Variants in OSBPL8 observed in about 807,000 individuals in gnomAD.
OSBPL8 encodes oxysterol-binding protein-related protein 8.
A neutral mutation model predicts 125.5 loss-of-function variants in OSBPL8; 59 were observed. That is an observed-to-expected ratio of 0.47 (90% CI 0.38 to 0.58). The LOEUF is 0.58. Ranked by LOEUF, OSBPL8 falls within the 20% of genes least tolerant of loss-of-function variation. OSBPL8 has a pLI of 0.00. For synonymous variants in OSBPL8, 330 were observed against 338.9 expected (o/e 0.97, Z 0.29); for missense variants, 758 against 1,047.8 (o/e 0.72, Z 3.82).
chr12:76,423,251 T>C (rs1242025370), intron 4 of OSBPL8: 2 of 152,288 alleles, frequency 1.3e-5, no homozygotes, highest in African/African-American at 2.4e-5. Context: ...AAGCACAACG[T>C]TGATGGATTC....
In OSBPL8 at chr12:76,389,648, G is replaced by T; in HGVS notation, c.1349C>A (p.Ser450Tyr). The change falls in exon 12 of 24, where the codon TCT becomes TAT. Residue 450 changes from serine to tyrosine, a missense_variant. This residue lies in a region of OSBPL8 where 572 missense variants were observed against 762.0 expected (regional missense o/e 0.75). Transcript: ENST00000261183. Reference protein sequence around the residue: ...SDYYYHADFLSEAALEENPYF... With the variant: ...SDYYYHADFLYEAALEENPYF... ...TAAGAAATAAGAATCTACTTACTCAGATAGGAAATCTGCATGATAGTAGTA... is the reference window on the plus strand; with the variant it reads ...TAAGAAATAAGAATCTACTTACTCATATAGGAAATCTGCATGATAGTAGTA... 6.4e-7 allele frequency: 1 copy of T among 1,559,834 alleles called. No homozygotes were observed. The highest frequency in any genetic ancestry group is 8.7e-7 in the Non-Finnish European group (1 of 1,152,418).
chr12:76,522,288 T>C (rs1882137886), intron 1 of OSBPL8, among the ~76,000 whole-genome samples: 1 of 152,008 alleles, frequency 6.6e-6, no homozygotes, highest in Admixed American at 6.6e-5. Context: ...AGAAAAAAAG[T>C]TCTTCAATAA....
At chr12:76,527,669 GT>G (rs1950217200) in intron 1 of OSBPL8, among the ~76,000 whole-genome samples, 1 of 152,096 alleles carries the variant, frequency 6.6e-6, no homozygotes, top group Non-Finnish European at 1.5e-5. Flanking sequence ...ACCTTTTCTA[GT>G]TATCGAATTA....
At chr12:76,409,123 G>A (rs867778501) in intron 5 of OSBPL8, among the ~76,000 whole-genome samples, 6 of 152,090 alleles carry the variant, frequency 3.9e-5, no homozygotes, top group Middle Eastern at 6.8e-3. Context: ...CTCACTACCC[G>A]AAAATATAGG....
chr12:76,556,549 G>T (rs1951105692), intron 1 of OSBPL8, among the ~76,000 whole-genome samples: 1 of 152,118 alleles, frequency 6.6e-6, no homozygotes, highest in African/African-American at 2.4e-5. Flanking sequence ...CTCTTCCTGT[G>T]TCTCATCACA....
At chr12:76,423,239 T>TC (rs1162537828) in intron 4 of OSBPL8, 1 of 152,284 alleles carries the variant, frequency 6.6e-6, no homozygotes, top group Non-Finnish European at 1.5e-5. Flanking sequence ...AGATACTCTT[T>TC]CAAGCACAAC....
At position 76,389,839 on chromosome 12, in the gene OSBPL8, T is replaced by C; in HGVS notation, c.1168-10A>G. 6.8e-7 allele frequency: 1 copy of C among 1,468,184 alleles called. No homozygotes were observed. Among genetic ancestry groups the C allele is most frequent in the Non-Finnish European group, 9.1e-7 (1 of 1,103,214 alleles). The allele number at this position is 1,468,184 out of a possible 1,614,324, so 90.9% of individuals were successfully genotyped here. Reference sequence around the variant, plus strand: ...GAGAAGCCTCACCTGCCTTTATCAATTAATGAAAATTACCAAAACATTATA... The same window carrying C: ...GAGAAGCCTCACCTGCCTTTATCAACTAATGAAAATTACCAAAACATTATA... On this transcript the variant is annotated splice_polypyrimidine_tract_variant and intron_variant, in intron 11 of 23. Coordinates refer to ENST00000261183, the MANE Select transcript of OSBPL8 (RefSeq NM_020841.5).
intron 2 of OSBPL8, among the ~76,000 whole-genome samples, chr12:76,464,140 C>T (rs1426855439): frequency 3.3e-5 from 5 of 152,130 alleles, no homozygotes; most frequent in African/African-American, 4.8e-5. Flanking sequence ...TCATCATGGG[C>T]GCCTTGTAGC....
intron 4 of OSBPL8, among the ~76,000 whole-genome samples, chr12:76,449,634 C>T (rs1452191058): frequency 6.6e-6 from 1 of 152,150 alleles, no homozygotes; most frequent in Non-Finnish European, 1.5e-5. Flanking sequence ...AATTATTGCT[C>T]TTGAACCTTT....
intron 3 of OSBPL8, among the ~76,000 whole-genome samples, chr12:76,453,573 A>C (rs1397694501): frequency 1.3e-5 from 2 of 152,188 alleles, no homozygotes; most frequent in Non-Finnish European, 2.9e-5. Flanking sequence ...CACACAAAGA[A>C]TAGTTCTATG....
intron 9 of OSBPL8, 61 bp downstream of exon 9, chr12:76,394,583 TG>T: frequency 9.0e-7 from 1 of 1,115,140 alleles, no homozygotes; most frequent in Non-Finnish European, 1.3e-6. Context: ...TAATACAAAG[TG>T]GCATTAAAAA....
intron 1 of OSBPL8, among the ~76,000 whole-genome samples, chr12:76,506,961 A>G (rs1880480721): frequency 6.7e-6 from 1 of 148,876 alleles, no homozygotes; most frequent in Non-Finnish European, 1.5e-5. Flanking sequence ...TGTTTTAAGT[A>G]TTTTAAACAG....
intron 1 of OSBPL8, among the ~76,000 whole-genome samples, chr12:76,517,166 T>A (rs1488174718): frequency 2.0e-5 from 3 of 152,216 alleles, no homozygotes; most frequent in African/African-American, 7.2e-5. Flanking sequence ...GGCTTTGTGA[T>A]GACACACCAA....
chr12:76,441,082 C>T (rs1437220852), intron 4 of OSBPL8, among the ~76,000 whole-genome samples: 1 of 152,184 alleles, frequency 6.6e-6, no homozygotes, highest in Non-Finnish European at 1.5e-5. Context: ...TGTTTCCCTA[C>T]TTCTTTCCCC....
intron 1 of OSBPL8, among the ~76,000 whole-genome samples, chr12:76,524,254 T>A (rs933210660): frequency 9.9e-5 from 15 of 152,150 alleles, no homozygotes; most frequent in Non-Finnish European, 2.2e-4. Context: ...GAAAGCAATA[T>A]AATAGCAGGC....
chr12:76,354,012 A>C lies in OSBPL8; in HGVS notation c.*1877T>G, dbSNP rs918180295. ...AAAATGTTAACAAGGTTTACTGATG[A>C]AATGATTTTTGTGATAAGCCAATCA... On this transcript the variant is annotated 3_prime_UTR_variant, in exon 24 of 24. Transcript: ENST00000261183. 1 of 152,422 alleles carries C rather than the reference A, an allele frequency of 6.6e-6. No individual in the cohort carries two copies. The highest frequency in any genetic ancestry group is 1.5e-5 in the Non-Finnish European group (1 of 67,832). The allele number at this position is 152,422 out of a possible 1,614,324, so 9.4% of individuals were successfully genotyped here.
chr12:76,535,803 T>C (rs771940094), intron 1 of OSBPL8, among the ~76,000 whole-genome samples: 1 of 152,128 alleles, frequency 6.6e-6, no homozygotes, highest in African/African-American at 2.4e-5. Flanking sequence ...TCCGTTCATA[T>C]GAAATCTTAG....
intron 1 of OSBPL8, among the ~76,000 whole-genome samples, chr12:76,496,687 C>A (rs1370493704): frequency 6.6e-6 from 1 of 152,008 alleles, no homozygotes; most frequent in Non-Finnish European, 1.5e-5. Context: ...ATTACAGGAA[C>A]CTGCCACCAC....
Position 76,390,657 on chromosome 12 carries a change from C to T in OSBPL8, c.930G>A (p.Gln310=), listed in dbSNP as rs1426326839. The part of the protein sequence containing the change: ...ANNLHSGDNF[Q]LNDSEIERQH... Reference sequence around the variant, plus strand: ...GTCGTTCAATTTCACTATCATTTAACCTTAAGGGAAAGAATTTTTAGGAGG... The same window carrying T: ...GTCGTTCAATTTCACTATCATTTAATCTTAAGGGAAAGAATTTTTAGGAGG... Residue 310 remains glutamine, a splice_region_variant and synonymous_variant, in exon 11 of 24, where the codon CAG becomes CAA. Coordinates refer to ENST00000261183, the MANE Select transcript of OSBPL8 (RefSeq NM_020841.5). The T allele has an allele frequency of 1.9e-5, 30 of 1,591,226 alleles. No individual in the cohort carries two copies. The East Asian group carries it at 6.7e-4, about 36-fold the overall frequency.
Sources: gnomAD v4.1 joint callset for allele counts (sites outside exome capture counted in the v4.1 genomes callset) on GRCh38, gnomAD v4.1.1 for gene constraint, gnomAD v4.1.1 regional missense constraint, MANE v1.5 for transcripts, NCBI Gene and HGNC (gene_info 2026-07-23, HGNC 2026-07-21) for gene names.